Variants in ZFAT observed in about 807,000 individuals in gnomAD.
The protein encoded by ZFAT is zinc finger protein ZFAT.
A neutral mutation model predicts 117.7 loss-of-function variants in ZFAT; 64 were observed. The ratio of observed to expected loss-of-function variants is 0.54; its 90% CI spans 0.44 to 0.67. The LOEUF (loss-of-function observed/expected upper bound fraction) is 0.67. ZFAT is among the 30% of genes least tolerant of loss of function. The pLI is 0.00. For missense variants in ZFAT, 1,433 were observed against 1,584.5 expected, an observed-to-expected ratio of 0.90 and a Z score of 1.62; for synonymous variants, 679 against 615.0, an observed-to-expected ratio of 1.10 and a Z score of -1.54.
chr8:134,557,250 C>G (rs1823709099), intron 11 of ZFAT, among the ~76,000 whole-genome samples: 2 of 152,296 alleles, frequency 1.3e-5, no homozygotes, highest in South Asian at 4.1e-4. Flanking sequence ...CAAATCCAAA[C>G]TGAGGGATAT....
the ZFAT span, chr8:134,805,024 T>C: frequency 2.4e-5 from 11 of 461,710 alleles, no homozygotes; most frequent in Admixed American, 2.5e-4. Flanking sequence ...ATAATTTATA[T>C]AATTTCTAGT....
At chr8:134,563,503 G>A (rs1188027312) in intron 11 of ZFAT, among the ~76,000 whole-genome samples, 2 of 152,152 alleles carry the variant, frequency 1.3e-5, no homozygotes, top group Non-Finnish European at 2.9e-5. Context: ...CCTCCCACAA[G>A]GCTGTTCTGA....
intron 1 of ZFAT, among the ~76,000 whole-genome samples, chr8:134,703,102 C>G (rs1343971962): frequency 6.6e-6 from 1 of 152,190 alleles, no homozygotes; most frequent in African/African-American, 2.4e-5. Context: ...GTAGCTGTAC[C>G]ATTTTGCATT....
In ZFAT at chr8:134,478,569, C is replaced by T. The variant is rs1269097013; in HGVS notation, c.3645G>A (p.Gly1215=). ...IETVTVYTQG[G]EASEFIVYVQ... is the part of the protein sequence containing the mutation. ...CGTAGACGATGAACTCCGAGGCCTC[C>T]CCGCCCTGCGTGTAGACAGTCACCG... The change falls in exon 16 of 16, where the codon GGG becomes GGA. Residue 1215 remains glycine (G), a synonymous_variant. Coordinates refer to ENST00000377838, the MANE Select transcript of ZFAT (RefSeq NM_020863.4). The surrounding 1 kb of genome is among the most constrained non-coding windows in gnomAD (Gnocchi z 5.2). 9.4e-6 allele frequency: 15 copies of T among 1,594,496 alleles called. No individual in the cohort carries two copies. In the East Asian group the frequency reaches 3.4e-4, roughly 37 times the overall value.
At chr8:134,487,446 G>C (rs1309669165) in intron 15 of ZFAT, among the ~76,000 whole-genome samples, 1 of 152,170 alleles carries the variant, frequency 6.6e-6, no homozygotes, top group Non-Finnish European at 1.5e-5. Context: ...GGGTGGCTCA[G>C]AGAGTCGATG....
In ZFAT at chr8:134,584,686, G is replaced by C. The variant is rs545570755; in HGVS notation, c.2714-681C>G. Among the ~76,000 whole-genome samples the C allele has an allele frequency of 1.9e-4, 29 of 152,192 alleles. No homozygotes were observed. The South Asian group carries it at 5.8e-3, about 31-fold the overall frequency. On this transcript the variant is annotated intron_variant, in intron 9 of 15. Coordinates refer to ENST00000377838, the MANE Select transcript of ZFAT (RefSeq NM_020863.4). ...TATTTTCATAGTAGGAAATTTCATA[G>C]AGAAGAGTGAATCCCAGCCTTCACT...
chr8:134,524,598 G>A (rs1271557950), intron 12 of ZFAT, among the ~76,000 whole-genome samples: 5 of 152,110 alleles, frequency 3.3e-5, no homozygotes, highest in Non-Finnish European at 7.4e-5. Flanking sequence ...GGTGCCCAGG[G>A]CATCCAGTGG....
rs79037847 is a variant in ZFAT at position 134,501,690 on chromosome 8, A to C, written c.3492+7929T>G. Reference sequence around the variant, plus strand: ...TTGAAGGGGAAAGGTGAGTGGAAAGAAAAGAGAAAAGCCAGCCAGTGACTC... The same window carrying C: ...TTGAAGGGGAAAGGTGAGTGGAAAGCAAAGAGAAAAGCCAGCCAGTGACTC... On this transcript the variant is annotated intron_variant, in intron 15 of 15. Coordinates refer to ENST00000377838, the MANE Select transcript of ZFAT (RefSeq NM_020863.4). Among the ~76,000 whole-genome samples the C allele has an allele frequency of 3.7e-4, 56 of 152,340 alleles. No individual in the cohort carries two copies. The East Asian group carries it at 0.011, about 29-fold the overall frequency.
chr8:134,493,178 G>A (rs753978896), intron 15 of ZFAT, among the ~76,000 whole-genome samples: 1 of 152,174 alleles, frequency 6.6e-6, no homozygotes, highest in Non-Finnish European at 1.5e-5. Context: ...CCCATTTCCT[G>A]TGTCACCTGG....
intron 10 of ZFAT, among the ~76,000 whole-genome samples, chr8:134,583,553 T>A (rs1825857985): frequency 2.0e-5 from 3 of 152,168 alleles, no homozygotes; most frequent in Admixed American, 2.0e-4. Context: ...CAAGGCTTTC[T>A]GAAGACACCT....
chr8:134,539,815 A>G (rs1410118090), intron 11 of ZFAT, among the ~76,000 whole-genome samples: 3 of 152,222 alleles, frequency 2.0e-5, no homozygotes, highest in African/African-American at 7.2e-5. Flanking sequence ...ATGTCAAGCA[A>G]GGGTAGAAGA....
chr8:134,617,853 C>T (rs1828854585), intron 3 of ZFAT, among the ~76,000 whole-genome samples: 1 of 152,162 alleles, frequency 6.6e-6, no homozygotes, highest in Non-Finnish European at 1.5e-5. Context: ...GGCTGTGTCC[C>T]CATCCAAATC....
the ZFAT span, among the ~76,000 whole-genome samples, chr8:134,800,280 T>C: frequency 2.8e-5 from 4 of 143,742 alleles, no homozygotes; most frequent in African/African-American, 1.1e-4. Context: ...ATTTTTCCTC[T>C]ATAAGCATAC....
chr8:134,747,533 G>A, the ZFAT span, among the ~76,000 whole-genome samples: 26 of 152,076 alleles, frequency 1.7e-4, no homozygotes, highest in Non-Finnish European at 2.9e-4. Context: ...TTGAAATACC[G>A]AATCAGCAAG....
At chr8:134,608,692 A>G (rs1200291525) in intron 5 of ZFAT, 37 bp downstream of exon 5, 2 of 1,597,516 alleles carry the variant, frequency 1.3e-6, no homozygotes, top group East Asian at 2.3e-5. Context: ...CTCACATGCA[A>G]CCTCTGGCTG....
intron 2 of ZFAT, among the ~76,000 whole-genome samples, chr8:134,653,270 TAAAA>T (rs374514584): frequency 1.1e-5 from 1 of 91,888 alleles, no homozygotes; most frequent in African/African-American, 4.4e-5. Context: ...ATGTCTTTTT[TAAAA>T]AAAAAAAAAA....
At chr8:134,758,879 G>C in the ZFAT span, among the ~76,000 whole-genome samples, 1 of 152,152 alleles carries the variant, frequency 6.6e-6, no homozygotes, top group African/African-American at 2.4e-5. Flanking sequence ...TCCACCTCAA[G>C]GTGGGTGCTC....
intron 13 of ZFAT, among the ~76,000 whole-genome samples, chr8:134,513,928 C>T (rs79059670): frequency 0.019 from 2,864 of 152,298 alleles, 77 homozygotes; most frequent in African/African-American, 0.064. Flanking sequence ...AAAAGAAGAA[C>T]ATTTTGTTCT....
chr8:134,544,220 A>T (rs1357976274), intron 11 of ZFAT, among the ~76,000 whole-genome samples: 1 of 152,190 alleles, frequency 6.6e-6, no homozygotes, highest in African/African-American at 2.4e-5. Context: ...CGCCCTCCAC[A>T]GGCTGCAAAT....
Sources: gnomAD v4.1 joint callset for allele counts (sites outside exome capture counted in the v4.1 genomes callset) on GRCh38, gnomAD v4.1.1 for gene constraint, Gnocchi (gnomAD v3.1) non-coding constraint, MANE v1.5 for transcripts, NCBI Gene and HGNC (gene_info 2026-07-23, HGNC 2026-07-21) for gene names.